Variants in FBXO16 observed in about 807,000 individuals in gnomAD.
FBXO16 encodes the protein F-box protein 16.
Under a neutral mutation model 41.0 loss-of-function variants are expected in FBXO16, and 31 were observed. The observed-to-expected ratio is 0.76, with a 90% CI of 0.57 to 1.02. FBXO16 has a LOEUF of 1.02. FBXO16 is among the 50% of genes least tolerant of loss of function. FBXO16 has a pLI of 0.00. For synonymous variants in FBXO16, 133 were observed against 117.8 expected, an observed-to-expected ratio of 1.13 and a Z score of -0.84; for missense variants, 361 against 346.2, an observed-to-expected ratio of 1.04 and a Z score of -0.34.
intron 7 of FBXO16, among the ~76,000 whole-genome samples, chr8:28,446,140 T>C (rs1802858627): frequency 6.6e-6 from 1 of 151,872 alleles, no homozygotes. Context: ...AAGTTCTTAA[T>C]TCATTTTTTC....
intron 2 of FBXO16, among the ~76,000 whole-genome samples, chr8:28,474,751 C>A (rs1429954287): frequency 2.6e-5 from 4 of 152,190 alleles, no homozygotes; most frequent in Non-Finnish European, 4.4e-5. Context: ...GAAACTAAGT[C>A]TTATTCATCT....
intron 7 of FBXO16, among the ~76,000 whole-genome samples, chr8:28,443,507 CT>C (rs1418965534): frequency 4.6e-5 from 7 of 152,134 alleles, no homozygotes; most frequent in Non-Finnish European, 8.8e-5. Flanking sequence ...AGGTGCTCCC[CT>C]AAGTTTGTCC....
chr8:28,465,487 C>T (rs1458376889), intron 3 of FBXO16: 3 of 419,460 alleles, frequency 7.2e-6, no homozygotes, highest in African/African-American at 4.1e-5. Context: ...TGGTGGTGTA[C>T]GCCTGTGGTC....
intron 3 of FBXO16, among the ~76,000 whole-genome samples, chr8:28,472,770 T>C (rs894527004): frequency 2.0e-5 from 3 of 152,208 alleles, no homozygotes; most frequent in Admixed American, 2.0e-4. Flanking sequence ...AGGCAAGATC[T>C]CTATCACCAT....
intron 1 of FBXO16, among the ~76,000 whole-genome samples, chr8:28,484,007 C>A (rs567643275): frequency 6.6e-6 from 1 of 152,084 alleles, no homozygotes; most frequent in Non-Finnish European, 1.5e-5. Flanking sequence ...ATTTTACACA[C>A]GAGGAAGATT....
At chr8:28,481,140 A>C (rs900596117) in intron 2 of FBXO16, among the ~76,000 whole-genome samples, 1 of 152,186 alleles carries the variant, frequency 6.6e-6, no homozygotes, top group African/African-American at 2.4e-5. Flanking sequence ...AGATCATGAA[A>C]GATCCTCAAC....
At chr8:28,477,769 C>T (rs1803446158) in intron 2 of FBXO16, among the ~76,000 whole-genome samples, 1 of 152,158 alleles carries the variant, frequency 6.6e-6, no homozygotes, top group African/African-American at 2.4e-5. Context: ...TGGTTGACAC[C>T]TGTAATCCCA....
intron 3 of FBXO16, among the ~76,000 whole-genome samples, chr8:28,466,481 A>G (rs944366584): frequency 6.6e-6 from 1 of 151,938 alleles, no homozygotes; most frequent in Non-Finnish European, 1.5e-5. Flanking sequence ...TACAAGCCAT[A>G]TCTCCAACTC....
At chr8:28,445,965 T>C (rs781698947) in intron 7 of FBXO16, among the ~76,000 whole-genome samples, 31 of 152,144 alleles carry the variant, frequency 2.0e-4, no homozygotes, top group Non-Finnish European at 2.8e-4. Context: ...TCCACCCTTA[T>C]TCCTTTCTAC....
chr8:28,463,051 G>T (rs1361118466), intron 4 of FBXO16, among the ~76,000 whole-genome samples: 2 of 152,154 alleles, frequency 1.3e-5, no homozygotes, highest in African/African-American at 4.8e-5. Flanking sequence ...CCCCATTTGA[G>T]TTCTAAATAG....
chr8:28,439,555 T>G (rs1354918693), intron 7 of FBXO16, among the ~76,000 whole-genome samples: 1 of 151,816 alleles, frequency 6.6e-6, no homozygotes, highest in Admixed American at 6.6e-5. Flanking sequence ...CCAGGCAAAA[T>G]AGCGAGACCC....
chr8:28,484,304 G>A (rs567516226), intron 1 of FBXO16, among the ~76,000 whole-genome samples: 28 of 152,202 alleles, frequency 1.8e-4, no homozygotes, highest in Non-Finnish European at 4.0e-4. Flanking sequence ...GCCTGACAGC[G>A]TATTGAAGAG....
At chr8:28,471,896 T>C (rs1055527292) in intron 3 of FBXO16, among the ~76,000 whole-genome samples, 2 of 151,982 alleles carry the variant, frequency 1.3e-5, no homozygotes, top group African/African-American at 4.8e-5. Flanking sequence ...TCCCTCCTTT[T>C]GAGGCACAGA....
At chr8:28,488,882 G>A (rs759655649) in intron 1 of FBXO16, among the ~76,000 whole-genome samples, 11 of 152,040 alleles carry the variant, frequency 7.2e-5, no homozygotes, top group African/African-American at 2.4e-4. Flanking sequence ...ACCTTCATGC[G>A]CTCTCTGCCC....
At chr8:28,464,165 T>G (rs1479341263) in intron 3 of FBXO16, among the ~76,000 whole-genome samples, 2 of 152,190 alleles carry the variant, frequency 1.3e-5, no homozygotes, top group African/African-American at 4.8e-5. Flanking sequence ...TCCCCCCAAA[T>G]AGTTTCTGCA....
chr8:28,459,482 G>T (rs947218071), intron 4 of FBXO16, among the ~76,000 whole-genome samples: 2 of 151,806 alleles, frequency 1.3e-5, no homozygotes, highest in Non-Finnish European at 2.9e-5. Context: ...GCTGGGCGTG[G>T]TGACATGCGC....
chr8:28,439,986 T>C (rs1319132543), intron 7 of FBXO16, among the ~76,000 whole-genome samples: 1 of 151,018 alleles, frequency 6.6e-6, no homozygotes, highest in Non-Finnish European at 1.5e-5. Flanking sequence ...TTTTTTTTTT[T>C]TGTATTCTGC....
At chr8:28,439,103 AAAAAAAG>A (rs1390504740) in intron 7 of FBXO16, among the ~76,000 whole-genome samples, 26 of 151,650 alleles carry the variant, frequency 1.7e-4, no homozygotes, top group South Asian at 4.1e-4. Context: ...TCAAAAAAAA[AAAAAAAG>A]AAAAGAAAAG....
chr8:28,471,378 T>C (rs757407300), intron 3 of FBXO16, among the ~76,000 whole-genome samples: 10 of 152,070 alleles, frequency 6.6e-5, no homozygotes, highest in Non-Finnish European at 1.0e-4. Flanking sequence ...TCCCAAGTAA[T>C]GCTAAGTAAA....
Sources: gnomAD v4.1 joint callset for allele counts (sites outside exome capture counted in the v4.1 genomes callset) on GRCh38, gnomAD v4.1.1 for gene constraint, MANE v1.5 for transcripts, NCBI Gene and HGNC (gene_info 2026-07-23, HGNC 2026-07-21) for gene names.